The following NDUFAF7 variants were observed in gnomAD, a reference collection of about 807,000 sequenced individuals.
NDUFAF7 encodes the protein NADH:ubiquinone oxidoreductase complex assembly factor 7.
A neutral mutation model predicts 47.2 loss-of-function variants in NDUFAF7; 48 were observed. The ratio of observed to expected loss-of-function variants is 1.02; its 90% CI spans 0.81 to 1.29. The LOEUF is 1.29. Among genes scored for constraint, NDUFAF7 ranks in the 50% most tolerant of loss-of-function variants. The pLI is 0.00. For missense variants in NDUFAF7, 635 were observed against 537.6 expected (o/e 1.18, Z -1.79); for synonymous variants, 217 against 190.0 (o/e 1.14, Z -1.17).
the NDUFAF7 span, among the ~76,000 whole-genome samples, chr2:37,258,568 T>C: frequency 6.6e-6 from 1 of 152,200 alleles, no homozygotes; most frequent in Non-Finnish European, 1.5e-5. Flanking sequence ...AGTTTTAATG[T>C]TACCAGTAGG....
Position 37,249,115 on chromosome 2 carries a change from T to C in NDUFAF7, c.*765T>C, listed in dbSNP as rs1667248561. 1 of 152,266 alleles carries C rather than the reference T, an allele frequency of 6.6e-6. No homozygotes were observed. Among genetic ancestry groups the C allele is most frequent in the Non-Finnish European group, 1.5e-5 (1 of 68,112 alleles). The allele number at this position is 152,266 out of a possible 1,614,324, so 9.4% of individuals were successfully genotyped here. ...TTTTTATAGTTGATTCCATTTTTGT[T>C]GAAGGAGAAAAACTAAATAAATACG... is the stretch of plus-strand genomic sequence containing the variant. On this transcript the variant is annotated 3_prime_UTR_variant, in exon 10 of 10. Transcript: ENST00000002125.
At chr2:37,246,026 G>A (rs756615221) in intron 7 of NDUFAF7, 26 bp from the exon 8 acceptor site, 1 of 1,612,378 alleles carries the variant, frequency 6.2e-7, no homozygotes, top group Non-Finnish European at 8.5e-7. Flanking sequence ...GATGCATTTT[G>A]ACTCTTGCAA....
intron 2 of NDUFAF7, among the ~76,000 whole-genome samples, chr2:37,232,700 A>G: frequency 6.6e-6 from 1 of 152,136 alleles, no homozygotes; most frequent in East Asian, 1.9e-4. Context: ...CTGCCTGGAA[A>G]GTCGTCTGTG....
At chr2:37,237,660 T>C in intron 3 of NDUFAF7, 97 bp from the exon 4 acceptor site, 1 of 954,210 alleles carries the variant, frequency 1.0e-6, no homozygotes, top group Non-Finnish European at 1.6e-6. Context: ...ATTTTGCTTT[T>C]TGGCATATAG....
chr2:37,266,651 C>G, the NDUFAF7 span, among the ~76,000 whole-genome samples: 5 of 152,046 alleles, frequency 3.3e-5, no homozygotes, highest in Admixed American at 6.6e-5. Flanking sequence ...CGTGCCCGGC[C>G]TAGTTTTTTT....
In NDUFAF7 at chr2:37,243,973, A is replaced by G; in HGVS notation, c.792A>G (p.Gln264=). The G allele has an allele frequency of 3.1e-6, 5 of 1,602,100 alleles. No homozygotes were observed. The highest frequency in any genetic ancestry group is 4.3e-6 in the Non-Finnish European group (5 of 1,169,534). ...CCACCCCAGCAGAAGCCTTCATACA[A>G]GTAAGAATATGCTTTTTTAAGTTTC... ...PSATPAEAFI[Q]HDETRDHVEV... is the part of the protein sequence containing the mutation. Residue 264 remains glutamine, a splice_region_variant and synonymous_variant, in exon 7 of 10, where the codon CAA becomes CAG. Coordinates refer to ENST00000002125, the MANE Select transcript of NDUFAF7 (RefSeq NM_144736.5).
rs747847859 is a variant in NDUFAF7, at chr2:37,241,806, G to A, written c.622+15G>A. ...TGTTCCAAAAGGTAATTACCTTTATGTGGATTAATGAAAGAATTTTGATCA... is the reference window on the plus strand; with the variant it reads ...TGTTCCAAAAGGTAATTACCTTTATATGGATTAATGAAAGAATTTTGATCA... On this transcript the variant is annotated intron_variant, in intron 5 of 9. Transcript: ENST00000002125. The A allele has an allele frequency of 7.5e-6, 12 of 1,607,330 alleles. No homozygotes were observed. The East Asian group carries it at 1.1e-4, about 15-fold the overall frequency.
In NDUFAF7 at chr2:37,236,126, GA is replaced by G. The variant is rs1558490632; in HGVS notation, c.252del (p.Gly85GlufsTer9). On this transcript the variant is annotated frameshift_variant, in exon 3 of 10. Transcript: ENST00000002125. LOFTEE classifies it high-confidence loss of function. ...GYYVYRDMLG[E>X]KGDFITSPEI... is the part of the protein sequence containing the mutation. ...TTATGTGTACCGTGACATGCTAGGC[GA>G]AAAAGGAGATTTCATTACTTCACCT... 1 of 1,613,154 alleles carries G rather than the reference GA, an allele frequency of 6.2e-7. No individual in the cohort carries two copies. Among genetic ancestry groups the G allele is most frequent in the East Asian group, 2.2e-5 (1 of 44,818 alleles).
rs1426855626 is a variant in NDUFAF7, at chr2:37,243,806, A to C, written c.682-57A>C. 3.1e-6 allele frequency: 4 copies of C among 1,277,078 alleles called. No individual in the cohort carries two copies. In the African/African-American group the frequency reaches 4.4e-5, roughly 14 times the overall value. 79.1% of individuals were successfully genotyped at this position (1,277,078 alleles called of 1,614,324 possible). A position where few individuals can be genotyped will look rare whatever the true frequency, so the allele number is the denominator to read the frequency against. Reference sequence around the variant, plus strand: ...AGGAGAAAAAGCTATTTTTGGTAGAAGCAATGTAGAGAACAAACTTGCAAA... The same window carrying C: ...AGGAGAAAAAGCTATTTTTGGTAGACGCAATGTAGAGAACAAACTTGCAAA... On this transcript the variant is annotated intron_variant, in intron 6 of 9. Transcript: ENST00000002125.
rs760480698 is a variant in NDUFAF7 at position 37,231,702 on chromosome 2, C to T, written c.-4C>T. On this transcript the variant is annotated 5_prime_UTR_variant, in exon 1 of 10. Transcript: ENST00000002125. ...GCGGAGCGAGCTAGCCTGCGAATTT[C>T]AGCATGAGTGTACTGCTGAGGTCAG... is the stretch of plus-strand genomic sequence containing the variant. 1.1e-5 allele frequency: 18 copies of T among 1,614,114 alleles called. No individual in the cohort carries two copies. Among genetic ancestry groups the T allele is most frequent in the Admixed American group, 1.7e-5 (1 of 60,010 alleles).
chr2:37,234,890 C>G (rs1452198834), intron 2 of NDUFAF7, among the ~76,000 whole-genome samples: 1 of 152,112 alleles, frequency 6.6e-6, no homozygotes, highest in Non-Finnish European at 1.5e-5. Flanking sequence ...TTCTTTAATT[C>G]TGGAGTGAGA....
chr2:37,257,845 G>T (rs562381024), downstream of NDUFAF7, among the ~76,000 whole-genome samples: 44 of 151,650 alleles, frequency 2.9e-4, no homozygotes, highest in Non-Finnish European at 1.8e-4. Context: ...GACTGCCCCA[G>T]TGAGTAACAG....
At chr2:37,257,544 T>C (rs956197601), downstream of NDUFAF7, among the ~76,000 whole-genome samples, 2 of 151,870 alleles carry the variant, frequency 1.3e-5, no homozygotes, top group Non-Finnish European at 1.5e-5. Context: ...CGGGTGCCTG[T>C]AGTCCCAGCT....
downstream of NDUFAF7, chr2:37,253,051 C>T (rs985001412): frequency 1.2e-5 from 12 of 1,005,852 alleles, no homozygotes; most frequent in Middle Eastern, 3.3e-4. Context: ...ACTGGTGTCA[C>T]TTATTCGTTA....
chr2:37,238,606 AAGC>A (rs976110571), intron 4 of NDUFAF7, among the ~76,000 whole-genome samples: 8 of 152,062 alleles, frequency 5.3e-5, no homozygotes, highest in South Asian at 2.1e-4. Context: ...AAAAAAAAAA[AAGC>A]AGAAGGCATA....
At chr2:37,246,222 A>T (rs1418440051) in intron 8 of NDUFAF7, 27 bp downstream of exon 8, 2 of 1,612,550 alleles carry the variant, frequency 1.2e-6, no homozygotes, top group African/African-American at 2.7e-5. Flanking sequence ...AACATGATTT[A>T]TCAGAATTTC....
downstream of NDUFAF7, chr2:37,256,934 A>G: frequency 6.2e-7 from 1 of 1,613,846 alleles, no homozygotes; most frequent in Non-Finnish European, 8.5e-7. Flanking sequence ...CTTCACCTGG[A>G]AATTGAAGGA....
chr2:37,262,902 C>CTG, the NDUFAF7 span, among the ~76,000 whole-genome samples: 2 of 151,460 alleles, frequency 1.3e-5, no homozygotes, highest in Admixed American at 1.3e-4. Context: ...CCTTCCCCCC[C>CTG]CCGTATTTGT....
the NDUFAF7 span, among the ~76,000 whole-genome samples, chr2:37,262,631 T>C: frequency 2.5e-4 from 38 of 152,068 alleles, 1 homozygote; most frequent in Admixed American, 2.0e-4. Flanking sequence ...TCAACAGAGG[T>C]TGAAATGTGA....
Sources: allele counts gnomAD v4.1 joint callset (sites outside exome capture counted in the v4.1 genomes callset), GRCh38; gene constraint gnomAD v4.1.1; transcripts MANE v1.5; gene names NCBI Gene and HGNC (gene_info 2026-07-23, HGNC 2026-07-21).